The following STXBP4 variants were observed in gnomAD, a reference collection of about 807,000 sequenced individuals.
STXBP4 encodes the protein syntaxin binding protein 4, also known as syntaxin-binding protein 4.
A neutral mutation model predicts 76.1 loss-of-function variants in STXBP4; 55 were observed. The observed-to-expected ratio is 0.72, with a 90% CI of 0.58 to 0.91. STXBP4 has a LOEUF of 0.91. STXBP4 is among the 40% of genes least tolerant of loss of function. The pLI is 0.00. For synonymous variants in STXBP4, 201 were observed against 220.2 expected (o/e 0.91, Z 0.77); for missense variants, 618 against 636.9 (o/e 0.97, Z 0.32).
At chr17:55,034,091 A>G (rs961933507) in intron 9 of STXBP4, 77 bp from the exon 10 acceptor site, 3 of 1,005,266 alleles carry the variant, frequency 3.0e-6, no homozygotes, top group Admixed American at 2.1e-5. Context: ...TTGAAACCTT[A>G]GCAACTTCAT....
downstream of STXBP4, among the ~76,000 whole-genome samples, chr17:55,178,142 A>G (rs2080437803): frequency 6.6e-6 from 1 of 152,262 alleles, no homozygotes; most frequent in African/African-American, 2.4e-5. Flanking sequence ...AATGAGATCT[A>G]TTCCACAAGC....
At chr17:54,993,854 T>C (rs1463238713) in intron 4 of STXBP4, among the ~76,000 whole-genome samples, 2 of 152,236 alleles carry the variant, frequency 1.3e-5, no homozygotes, top group Non-Finnish European at 1.5e-5. Flanking sequence ...CTCAAGCTTA[T>C]AGCTAGATTA....
intron 12 of STXBP4, among the ~76,000 whole-genome samples, chr17:55,048,132 A>G (rs1016439364): frequency 3.3e-5 from 5 of 151,964 alleles, no homozygotes; most frequent in African/African-American, 1.2e-4. Context: ...GCAATCAAAA[A>G]TGGCAGCCTT....
chr17:55,042,176 A>G (rs906698042), intron 10 of STXBP4, among the ~76,000 whole-genome samples: 8 of 152,162 alleles, frequency 5.3e-5, no homozygotes, highest in African/African-American at 1.9e-4. Context: ...TGAGTTTATT[A>G]TATCCATTCC....
At chr17:55,086,770 G>A (rs1026333978) in intron 16 of STXBP4, among the ~76,000 whole-genome samples, 1 of 151,974 alleles carries the variant, frequency 6.6e-6, no homozygotes, top group Non-Finnish European at 1.5e-5. Flanking sequence ...TCTTTTCTTT[G>A]GATAAATGCC....
At chr17:55,158,161 C>G (rs1336373843) in intron 17 of STXBP4, among the ~76,000 whole-genome samples, 2 of 152,132 alleles carry the variant, frequency 1.3e-5, no homozygotes, top group African/African-American at 4.8e-5. Context: ...CTTCTGAGTT[C>G]AAGCAGTCCT....
chr17:54,982,935 A>G (rs2077571073), intron 1 of STXBP4, among the ~76,000 whole-genome samples: 1 of 152,232 alleles, frequency 6.6e-6, no homozygotes, highest in Non-Finnish European at 1.5e-5. Flanking sequence ...TAGTAGAAAC[A>G]AACAGCTTGG....
At chr17:55,116,912 A>G (rs1047327509) in intron 16 of STXBP4, among the ~76,000 whole-genome samples, 4 of 151,810 alleles carry the variant, frequency 2.6e-5, no homozygotes, top group Non-Finnish European at 5.9e-5. Flanking sequence ...TAGAGGCACT[A>G]TCTGTGTAAA....
intron 12 of STXBP4, among the ~76,000 whole-genome samples, chr17:55,052,950 T>TGTGG (rs2078879181): frequency 7.5e-6 from 1 of 133,512 alleles, no homozygotes; most frequent in African/African-American, 2.9e-5. Flanking sequence ...TGTGTGTGTG[T>TGTGG]GGGTTGTATT....
chr17:55,208,299 A>G, the STXBP4 span, among the ~76,000 whole-genome samples: 1 of 152,164 alleles, frequency 6.6e-6, no homozygotes, highest in East Asian at 1.9e-4. Context: ...TGACTTGACT[A>G]CAGACTGTGA....
intron 6 of STXBP4, 42 bp downstream of exon 6, chr17:54,999,884 T>C: frequency 7.7e-7 from 1 of 1,292,292 alleles, no homozygotes; most frequent in Non-Finnish European, 1.1e-6. Context: ...ATGCACTCCA[T>C]AAATTCCCTA....
At chr17:55,202,609 A>G in the STXBP4 span, among the ~76,000 whole-genome samples, 1 of 152,122 alleles carries the variant, frequency 6.6e-6, no homozygotes, top group Non-Finnish European at 1.5e-5. Context: ...CGGACTGCCA[A>G]TTCTATGCTC....
At chr17:55,097,330 A>G (rs2079499665) in intron 16 of STXBP4, among the ~76,000 whole-genome samples, 1 of 152,234 alleles carries the variant, frequency 6.6e-6, no homozygotes, top group Non-Finnish European at 1.5e-5. Context: ...ATTTGTCTCT[A>G]AGCATTATAG....
Position 55,160,014 on chromosome 17 carries a change from A to G in STXBP4, c.*103A>G. The G allele has an allele frequency of 3.1e-6, 2 of 653,584 alleles. No homozygotes were observed. Among genetic ancestry groups the G allele is most frequent in the Non-Finnish European group, 5.3e-6 (2 of 378,362 alleles). 40.5% of individuals were successfully genotyped at this position (653,584 alleles called of 1,614,324 possible). A position where few individuals can be genotyped will look rare whatever the true frequency, so the allele number is the denominator to read the frequency against. Reference sequence around the variant, plus strand: ...CTAAAATAGGAGTAAAGCATGCACTACTTGTTGAAGTGTGAAATGGAGACT... The same window carrying G: ...CTAAAATAGGAGTAAAGCATGCACTGCTTGTTGAAGTGTGAAATGGAGACT... On this transcript the variant is annotated 3_prime_UTR_variant, in exon 18 of 18. Transcript: ENST00000376352.
chr17:55,148,372 C>T (rs2080179718), intron 17 of STXBP4, among the ~76,000 whole-genome samples: 1 of 152,062 alleles, frequency 6.6e-6, no homozygotes, highest in Non-Finnish European at 1.5e-5. Context: ...TTCTTAGGCC[C>T]TAACTTTATT....
At chr17:55,136,008 T>A (rs1223682278) in intron 16 of STXBP4, among the ~76,000 whole-genome samples, 1 of 152,182 alleles carries the variant, frequency 6.6e-6, no homozygotes, top group African/African-American at 2.4e-5. Context: ...ATCAGCAGTG[T>A]GACAATGGAC....
intron 8 of STXBP4, among the ~76,000 whole-genome samples, chr17:55,012,044 A>G (rs2078125287): frequency 6.6e-6 from 1 of 152,196 alleles, no homozygotes; most frequent in Non-Finnish European, 1.5e-5. Flanking sequence ...CATGGACTGC[A>G]TCAGGTGCTC....
chr17:55,049,349 A>G (rs2078830765), intron 12 of STXBP4, among the ~76,000 whole-genome samples: 1 of 151,978 alleles, frequency 6.6e-6, no homozygotes, highest in South Asian at 2.1e-4. Context: ...GGTGAGACTA[A>G]AATGAGTCAG....
At chr17:55,085,005 C>T (rs561616135) in intron 16 of STXBP4, among the ~76,000 whole-genome samples, 4 of 152,124 alleles carry the variant, frequency 2.6e-5, no homozygotes, top group East Asian at 3.8e-4. Context: ...GTGGCACATA[C>T]ACACCATGGA....
Sources: allele counts gnomAD v4.1 joint callset (sites outside exome capture counted in the v4.1 genomes callset), GRCh38; gene constraint gnomAD v4.1.1; transcripts MANE v1.5; gene names NCBI Gene and HGNC (gene_info 2026-07-23, HGNC 2026-07-21).